The following NCOR1 variants were observed in gnomAD, a reference collection of about 807,000 sequenced individuals.
NCOR1 encodes the protein protein phosphatase 1, regulatory subunit 109.
In NCOR1, 63 loss-of-function variants were observed where a neutral mutation model predicts 288.1. That is an observed-to-expected ratio of 0.22 (90% confidence interval 0.18 to 0.27). The LOEUF is 0.27. NCOR1 is among the 10% of genes least tolerant of loss of function. NCOR1 has a pLI of 1.00. For synonymous variants in NCOR1, 1,007 were observed against 1,065.9 expected, an observed-to-expected ratio of 0.94 and a Z score of 1.08; for missense variants, 2,397 against 3,019.2, an observed-to-expected ratio of 0.79 and a Z score of 4.83.
chr17:16,186,545 C>T lies in NCOR1; in HGVS notation c.242+9G>A, dbSNP rs542790138. 9 of 1,612,182 alleles carry T rather than the reference C, an allele frequency of 5.6e-6. No homozygotes were observed. The South Asian group carries it at 6.6e-5, about 12-fold the overall frequency. On this transcript the variant is annotated intron_variant, in intron 3 of 45. Coordinates refer to ENST00000268712, the MANE Select transcript of NCOR1 (RefSeq NM_006311.4). ...ATCCTAGATAGAAACATAAAAGAAACCTCATTACCTGTCAGAACCTGGGTG... is the reference window on the plus strand; with the variant it reads ...ATCCTAGATAGAAACATAAAAGAAATCTCATTACCTGTCAGAACCTGGGTG...
chr17:16,126,336 T>C, intron 14 of NCOR1, 130 bp from the exon 15 acceptor site: 1 of 960,460 alleles, frequency 1.0e-6, no homozygotes, highest in South Asian at 2.5e-5. Context: ...CTGGTGATCG[T>C]GTGTTAAAAA....
intron 19 of NCOR1, among the ~76,000 whole-genome samples, chr17:16,102,863 G>A (rs2067895950): frequency 6.6e-6 from 1 of 152,060 alleles, no homozygotes; most frequent in African/African-American, 2.4e-5. Flanking sequence ...CAAAGTGCTG[G>A]GATTACAGAC....
intron 23 of NCOR1, 26 bp downstream of exon 23, chr17:16,086,256 T>C (rs974600728): frequency 1.9e-6 from 3 of 1,603,934 alleles, no homozygotes; most frequent in Admixed American, 3.4e-5. Context: ...CAACAAGAAA[T>C]CTACTGTAAA....
chr17:16,070,339 G>C lies in NCOR1; in HGVS notation c.4339C>G (p.Arg1447Gly). The change falls in exon 31 of 46, where the codon CGG (arginine) becomes GGG (glycine). Residue 1447 changes from arginine to glycine, a missense_variant. Physicochemically the swap from Arg to Gly is moderately radical, Grantham distance 125. Transcript: ENST00000268712. ...DVKAGETVRS[R>G]HTSVVSSGPS... ...CCAGAGCTTACCACTGACGTGTGCCGGGAACGCACGGTCTCGCCTGCTTTC... is the reference window on the plus strand; with the variant it reads ...CCAGAGCTTACCACTGACGTGTGCCCGGAACGCACGGTCTCGCCTGCTTTC... The C allele has an allele frequency of 6.2e-7, 1 of 1,614,100 alleles. No individual in the cohort carries two copies. Among genetic ancestry groups the C allele is most frequent in the East Asian group, 2.2e-5 (1 of 44,880 alleles).
chr17:16,100,111 C>T (rs940018748), intron 20 of NCOR1, among the ~76,000 whole-genome samples: 4 of 151,936 alleles, frequency 2.6e-5, no homozygotes, highest in Admixed American at 6.6e-5. Flanking sequence ...TAATTGGGTT[C>T]GGATTAAGTG....
chr17:16,075,508 C>T, intron 27 of NCOR1, 26 bp downstream of exon 27: 1 of 1,607,204 alleles, frequency 6.2e-7, no homozygotes, highest in East Asian at 2.2e-5. Flanking sequence ...GTAATACTGG[C>T]TTTGGTGCAT....
intron 43 of NCOR1, chr17:16,040,009 C>T (rs140109723): frequency 0.01 from 3,985 of 390,444 alleles, 80 homozygotes; most frequent in South Asian, 0.04. Context: ...AGGCTGATCT[C>T]GAATTCCGAA....
At chr17:16,072,249 T>A in intron 28 of NCOR1, 21 bp from the exon 29 acceptor site, 1 of 1,564,578 alleles carries the variant, frequency 6.4e-7, no homozygotes, top group African/African-American at 1.4e-5. Context: ...AAGAAAGCAA[T>A]TCAATTATTC....
In NCOR1 at chr17:16,065,012, A is replaced by T. The variant is rs1157977173; in HGVS notation, c.4959T>A (p.Ile1653=). The T allele has an allele frequency of 6.2e-7, 1 of 1,613,328 alleles. No homozygotes were observed. Among genetic ancestry groups the T allele is most frequent in the Non-Finnish European group, 8.5e-7 (1 of 1,179,608 alleles). Residue 1653 remains isoleucine, a synonymous_variant, in exon 34 of 46, where the codon ATT becomes ATA. Transcript: ENST00000268712. ...TTGTTGGAGGCATATTGGTCAGGTC[A>T]ATGATTCCTATCCAAAAGACAATAC... The part of the protein sequence containing the change: ...GLPYPATRGI[I]DLTNMPPTIL...
At chr17:16,065,458 C>G (rs753037248) in intron 33 of NCOR1, 27 bp downstream of exon 33, 1 of 1,609,878 alleles carries the variant, frequency 6.2e-7, no homozygotes, top group Non-Finnish European at 8.5e-7. Context: ...ATAAATTCTA[C>G]GAAATCTGAA....
chr17:16,049,885 T>A (rs2059109873), intron 40 of NCOR1, among the ~76,000 whole-genome samples: 1 of 151,818 alleles, frequency 6.6e-6, no homozygotes, highest in South Asian at 2.1e-4. Flanking sequence ...CCCATTTATC[T>A]TATTATTAAA....
Position 16,047,082 on chromosome 17 carries a change from C to G in NCOR1, c.6548G>C (p.Arg2183Pro). 6.2e-7 allele frequency: 1 copy of G among 1,611,570 alleles called. No homozygotes were observed. Among genetic ancestry groups the G allele is most frequent in the Non-Finnish European group, 8.5e-7 (1 of 1,178,862 alleles). Residue 2183 changes from arginine to proline, a missense_variant, in exon 42 of 46, where the codon CGC (arginine) becomes CCC (proline). Physicochemically the swap from Arg to Pro is moderately radical, Grantham distance 103 (BLOSUM62 -2). This residue lies in a region of NCOR1 where 1,872 missense variants were observed against 2,187.8 expected (regional missense o/e 0.86). Coordinates refer to ENST00000268712, the MANE Select transcript of NCOR1 (RefSeq NM_006311.4). ...CAAGTAGCTTATACTCCCTGGTGAG[C>G]GGGCATCATTCCTGTTAGGGCCAAA... is the stretch of plus-strand genomic sequence containing the variant. ...AEPAEQRNDA[R>P]SPGSISYLPS...
At chr17:16,178,025 CATG>C (rs1381431047) in intron 3 of NCOR1, among the ~76,000 whole-genome samples, 17 of 151,806 alleles carry the variant, frequency 1.1e-4, no homozygotes, top group Non-Finnish European at 1.9e-4. Flanking sequence ...GCCTGGCCAA[CATG>C]GTGAAACCCC....
In NCOR1 at chr17:16,112,502, T is replaced by C. The variant is rs553955856; in HGVS notation, c.2056-3590A>G. Among the ~76,000 whole-genome samples, 44 of 152,192 alleles carry C rather than the reference T, an allele frequency of 2.9e-4. No individual in the cohort carries two copies. The East Asian group carries it at 5.8e-3, about 20-fold the overall frequency. ...TATTAAAGGCCGCAGAGAACTTTTC[T>C]TTTTTTTCTTTTGAGACGGAGTCTC... On this transcript the variant is annotated intron_variant, in intron 18 of 45. Coordinates refer to ENST00000268712, the MANE Select transcript of NCOR1 (RefSeq NM_006311.4).
At position 16,032,385 on chromosome 17, in the gene NCOR1, C is replaced by A. The variant is rs1240644682; in HGVS notation, c.7234G>T (p.Ala2412Ser). 6.2e-7 allele frequency: 1 copy of A among 1,614,130 alleles called. No individual in the cohort carries two copies. The highest frequency in any genetic ancestry group is 1.6e-4 in the Middle Eastern group (1 of 6,062). The change falls in exon 46 of 46, where the codon GCT becomes TCT. Residue 2412 changes from alanine (A) to serine (S), a missense_variant. Transcript: ENST00000268712. Reference sequence around the variant, plus strand: ...CAGATCCTGTTCTGTTGGTGAGGAGCTGCTTGGTTCACCGCAGAGGGAGCA... The same window carrying A: ...CAGATCCTGTTCTGTTGGTGAGGAGATGCTTGGTTCACCGCAGAGGGAGCA... ...ACAPSAVNQA[A>S]PHQQNRIWER...
At chr17:16,094,150 C>T (rs1220230123) in intron 21 of NCOR1, among the ~76,000 whole-genome samples, 1 of 152,090 alleles carries the variant, frequency 6.6e-6, no homozygotes, top group African/African-American at 2.4e-5. Context: ...GTGATCCACC[C>T]ACCTCGGCCT....
chr17:16,059,388 C>G (rs1598012664), intron 37 of NCOR1, among the ~76,000 whole-genome samples: 1 of 152,122 alleles, frequency 6.6e-6, no homozygotes, highest in Non-Finnish European at 1.5e-5. Flanking sequence ...AAAACTTACT[C>G]CAAACATTAA....
chr17:16,103,704 A>G (rs1312554314), intron 19 of NCOR1, among the ~76,000 whole-genome samples: 3 of 152,210 alleles, frequency 2.0e-5, no homozygotes, highest in African/African-American at 7.2e-5. Context: ...TGATCAACTC[A>G]AACATCACAT....
chr17:16,187,797 G>A (rs2087000243), intron 2 of NCOR1, among the ~76,000 whole-genome samples: 1 of 151,794 alleles, frequency 6.6e-6, no homozygotes, highest in African/African-American at 2.4e-5. Flanking sequence ...CTACTCTGTA[G>A]GCTAAGGTGG....
Sources: allele counts gnomAD v4.1 joint callset (sites outside exome capture counted in the v4.1 genomes callset), GRCh38; gene constraint gnomAD v4.1.1; regional missense constraint gnomAD v4.1.1; transcripts MANE v1.5; gene names NCBI Gene and HGNC (gene_info 2026-07-23, HGNC 2026-07-21).